The following CTNNA2 variants were observed in gnomAD, a reference collection of about 807,000 sequenced individuals.
The protein encoded by CTNNA2 is catenin alpha 2.
In CTNNA2, 42 loss-of-function variants were observed where a neutral mutation model predicts 101.0. The observed-to-expected ratio is 0.42, with a 90% confidence interval of 0.32 to 0.54. CTNNA2 has a LOEUF of 0.54. CTNNA2 is among the 20% of genes least tolerant of loss of function. The pLI is 0.14. For missense variants in CTNNA2, 871 were observed against 1,223.1 expected, an observed-to-expected ratio of 0.71 and a Z score of 4.29; for synonymous variants, 450 against 456.4, an observed-to-expected ratio of 0.99 and a Z score of 0.18.
chr2:80,149,539 A>G (rs1703560675), intron 7 of CTNNA2, among the ~76,000 whole-genome samples: 2 of 152,158 alleles, frequency 1.3e-5, no homozygotes, highest in Non-Finnish European at 2.9e-5. Context: ...GGCTTTTCTA[A>G]TAATATGTCC....
At chr2:80,246,749 T>C (rs1671359020) in intron 7 of CTNNA2, among the ~76,000 whole-genome samples, 1 of 152,166 alleles carries the variant, frequency 6.6e-6, no homozygotes, top group African/African-American at 2.4e-5. Flanking sequence ...TTGCAAGAAG[T>C]AAGCACTGTG....
chr2:79,450,620 C>T (rs562265428), intron 4 of CTNNA2, among the ~76,000 whole-genome samples: 1 of 152,138 alleles, frequency 6.6e-6, no homozygotes, highest in East Asian at 1.9e-4. Context: ...AGTAAATTCT[C>T]ATTGTCATCG....
chr2:79,523,100 A>G (rs1374111515), intron 1 of CTNNA2: 1 of 282,212 alleles, frequency 3.5e-6, no homozygotes, highest in East Asian at 8.5e-5. Context: ...TTAACTAAAT[A>G]TATCTAAGCG....
At chr2:79,244,335 T>C (rs1324882957) in intron 2 of CTNNA2, among the ~76,000 whole-genome samples, 1 of 152,204 alleles carries the variant, frequency 6.6e-6, no homozygotes, top group Admixed American at 6.5e-5. Context: ...TAGACAAATG[T>C]TTGGTGCAGC....
intron 4 of CTNNA2, among the ~76,000 whole-genome samples, chr2:79,482,890 T>C (rs1413501620): frequency 6.6e-6 from 1 of 152,192 alleles, no homozygotes; most frequent in Non-Finnish European, 1.5e-5. Context: ...GCAATGCTGC[T>C]GGCATCCAGT....
chr2:79,982,192 C>CCA lies in CTNNA2; in HGVS notation c.1056+72395_1056+72396insCA, dbSNP rs1342309215. Among the ~76,000 whole-genome samples, 3 of 75,050 alleles carry CCA rather than the reference C, an allele frequency of 4.0e-5. No homozygotes were observed. The East Asian group carries it at 1.6e-3, about 40-fold the overall frequency. 49.2% of individuals were successfully genotyped at this position (75,050 alleles called of 152,430 possible). On this transcript the variant is annotated intron_variant, in intron 7 of 18. Coordinates refer to ENST00000402739, the MANE Select transcript of CTNNA2 (RefSeq NM_001282597.3). ...TACCTGAGACCACAGGCATGTGCCA[C>CCA]TATATATATATATATATATATATAT... is the stretch of plus-strand genomic sequence containing the variant.
chr2:79,755,149 A>AC (rs1672311987), intron 3 of CTNNA2, among the ~76,000 whole-genome samples: 1 of 151,740 alleles, frequency 6.6e-6, no homozygotes, highest in African/African-American at 2.4e-5. Flanking sequence ...AGATAGCAAG[A>AC]CCCCCATCTC....
intron 18 of CTNNA2, among the ~76,000 whole-genome samples, chr2:80,643,026 A>T (rs1673663744): frequency 6.6e-6 from 1 of 152,152 alleles, no homozygotes; most frequent in South Asian, 2.1e-4. Flanking sequence ...TTTGCTTTTC[A>T]TGGACTGTAA....
At chr2:80,503,032 G>A (rs768351589) in intron 9 of CTNNA2, among the ~76,000 whole-genome samples, 1 of 152,040 alleles carries the variant, frequency 6.6e-6, no homozygotes, top group Non-Finnish European at 1.5e-5. Context: ...AATTTGCAAG[G>A]CATGGAGGCA....
intron 1 of CTNNA2, among the ~76,000 whole-genome samples, chr2:79,565,734 T>C (rs1016732130): frequency 2.0e-5 from 3 of 152,092 alleles, no homozygotes; most frequent in African/African-American, 4.8e-5. Context: ...AGTAAACAAG[T>C]AACTCAGTTA....
At chr2:79,925,284 A>G (rs1686949617) in intron 7 of CTNNA2, among the ~76,000 whole-genome samples, 1 of 152,102 alleles carries the variant, frequency 6.6e-6, no homozygotes, top group South Asian at 2.1e-4. Context: ...TTTATTAGGT[A>G]TGTGACCCAA....
chr2:80,543,929 CTCT>C (rs892840334), intron 9 of CTNNA2, among the ~76,000 whole-genome samples: 1 of 152,116 alleles, frequency 6.6e-6, no homozygotes, highest in African/African-American at 2.4e-5. Context: ...TGTCCTTCTC[CTCT>C]TCTTTGACTT....
intron 3 of CTNNA2, among the ~76,000 whole-genome samples, chr2:79,841,590 T>C (rs1380612736): frequency 6.6e-6 from 1 of 152,218 alleles, no homozygotes; most frequent in Non-Finnish European, 1.5e-5. Flanking sequence ...ACGTGCAAAA[T>C]AGGTGCGAAG....
intron 2 of CTNNA2, among the ~76,000 whole-genome samples, chr2:79,727,068 C>T (rs1424202571): frequency 6.6e-6 from 1 of 152,194 alleles, no homozygotes; most frequent in Non-Finnish European, 1.5e-5. Flanking sequence ...TTAGCAAACC[C>T]AAGACTTCTC....
chr2:79,243,334 C>G (rs1674659010), intron 2 of CTNNA2, among the ~76,000 whole-genome samples: 2 of 152,094 alleles, frequency 1.3e-5, no homozygotes, highest in African/African-American at 4.8e-5. Flanking sequence ...AAAAGTACTT[C>G]TTTCTAAACA....
intron 2 of CTNNA2, among the ~76,000 whole-genome samples, chr2:79,736,772 T>C (rs1670905641): frequency 6.6e-6 from 1 of 152,166 alleles, no homozygotes; most frequent in Non-Finnish European, 1.5e-5. Flanking sequence ...ACAGTAGAAT[T>C]CCCAAAAGCT....
intron 2 of CTNNA2, among the ~76,000 whole-genome samples, chr2:79,665,131 T>G (rs1567529): frequency 0.32 from 48,423 of 151,936 alleles, 8,473 homozygotes; most frequent in East Asian, 0.75. Context: ...AAACCCTGGG[T>G]CTCTCATTTC....
At chr2:79,471,963 A>G (rs1671003968) in intron 4 of CTNNA2, among the ~76,000 whole-genome samples, 1 of 152,202 alleles carries the variant, frequency 6.6e-6, no homozygotes, top group South Asian at 2.1e-4. Flanking sequence ...TTCCAGTCCA[A>G]CATCCCCAAA....
chr2:79,287,849 C>T (rs981249527), intron 2 of CTNNA2, among the ~76,000 whole-genome samples: 8 of 152,200 alleles, frequency 5.3e-5, no homozygotes, highest in Admixed American at 1.3e-4. Context: ...CCCCCAGCCT[C>T]GCTGCCACCT....
Sources: allele counts gnomAD v4.1 joint callset (sites outside exome capture counted in the v4.1 genomes callset), GRCh38; gene constraint gnomAD v4.1.1; transcripts MANE v1.5; gene names NCBI Gene and HGNC (gene_info 2026-07-23, HGNC 2026-07-21).